CDK11B: variants seen among roughly 807,000 people sequenced by gnomAD.
CDK11B encodes cyclin dependent kinase 11B.
A neutral mutation model predicts 84.0 loss-of-function variants in CDK11B; 37 were observed. That is an observed-to-expected ratio of 0.44 (90% CI 0.34 to 0.58). The LOEUF (loss-of-function observed/expected upper bound fraction) is 0.58. Ranked by LOEUF, CDK11B falls within the 20% of genes least tolerant of loss-of-function variation. CDK11B has a pLI of 0.02. For synonymous variants in CDK11B, 269 were observed against 309.8 expected (o/e 0.87, Z 1.38); for missense variants, 427 against 834.0 (o/e 0.51, Z 6.01).
At position 1,649,549 on chromosome 1, in the gene CDK11B, C is replaced by A; in HGVS notation, c.444G>T (p.Trp148Cys). The change falls in exon 5 of 20, where the codon TGG becomes TGT. Residue 148 changes from tryptophan (W) to cysteine (C), a missense_variant. By Grantham distance (215) the Trp-to-Cys change is radical (BLOSUM62 -2). This residue lies in a region of CDK11B where 71 missense variants were observed against 66.2 expected (regional missense o/e 1.07). Transcript: ENST00000341832. The stretch of plus-strand genomic sequence containing the variant: ...CCATCTCCCTTCTCTTCTGTCTTTC[C>A]CATTCCCGGCGAGCTTTATCCTGTT... ...REEQDKARRE[W>C]ERQKRREMAR... 1 of 1,604,204 alleles carries A rather than the reference C, an allele frequency of 6.2e-7. No homozygotes were observed. The highest frequency in any genetic ancestry group is 1.7e-5 in the Admixed American group (1 of 60,010).
At chr1:1,637,737 C>T (rs914576113) in intron 13 of CDK11B, 25 bp downstream of exon 13, 2 of 1,613,582 alleles carry the variant, frequency 1.2e-6, no homozygotes, top group African/African-American at 1.3e-5. Context: ...CCACCCGGGG[C>T]CAGGCGTGGT....
At chr1:1,645,727 G>A (rs369162717) in intron 5 of CDK11B, 11 of 332,852 alleles carry the variant, frequency 3.3e-5, no homozygotes, top group African/African-American at 1.1e-4. Flanking sequence ...CCATTCGATC[G>A]GTGTTTGCTT....
chr1:1,656,984 T>G (rs1642838949), intron 2 of CDK11B, among the ~76,000 whole-genome samples: 1 of 152,250 alleles, frequency 6.6e-6, no homozygotes, highest in African/African-American at 2.4e-5. Context: ...GTTTCCTGAG[T>G]ACATTACCAT....
intron 1 of CDK11B, among the ~76,000 whole-genome samples, chr1:1,658,701 G>A (rs1302890407): frequency 6.7e-6 from 1 of 149,156 alleles, no homozygotes; most frequent in African/African-American, 2.5e-5. Flanking sequence ...GCACACTTGA[G>A]GTTCAGCCTG....
chr1:1,656,282 G>C (rs912845417), intron 2 of CDK11B, among the ~76,000 whole-genome samples: 4 of 152,122 alleles, frequency 2.6e-5, no homozygotes, highest in Middle Eastern at 3.4e-3. Flanking sequence ...CCTGAGGTCA[G>C]GAGTTCCAGA....
intron 2 of CDK11B, among the ~76,000 whole-genome samples, chr1:1,656,205 G>A (rs560783547): frequency 6.6e-6 from 1 of 152,262 alleles, no homozygotes; most frequent in East Asian, 1.9e-4. Context: ...GTTTGGTTTA[G>A]GTCAGGCATG....
chr1:1,639,178 T>C (rs1343967254), intron 11 of CDK11B, among the ~76,000 whole-genome samples: 2 of 151,582 alleles, frequency 1.3e-5, no homozygotes, highest in Non-Finnish European at 2.9e-5. Flanking sequence ...TGACCTCTGA[T>C]CCGCCCACCG....
intron 10 of CDK11B, among the ~76,000 whole-genome samples, 200 bp from the exon 11 acceptor site, chr1:1,640,652 G>A (rs1347290456): frequency 2.6e-5 from 4 of 152,086 alleles, no homozygotes; most frequent in African/African-American, 9.7e-5. Context: ...CCCGGATGCT[G>A]AGCTGGGAGG....
rs1331648978 is a variant in CDK11B, at chr1:1,638,600, A to C, written c.1252-10T>G. The C allele has an allele frequency of 1.9e-6, 2 of 1,038,584 alleles. No homozygotes were observed. Among genetic ancestry groups the C allele is most frequent in the Non-Finnish European group, 3.0e-6 (2 of 664,724 alleles). The allele number at this position is 1,038,584 out of a possible 1,614,324, so 64.3% of individuals were successfully genotyped here. On this transcript the variant is annotated splice_polypyrimidine_tract_variant and intron_variant, in intron 11 of 19. Transcript: ENST00000341832. ...CGACGCTCCGGCAGCCCTGGGAAGGAAGCGCCTGTGTGAGGTCTCAGTGGC... is the reference window on the plus strand; with the variant it reads ...CGACGCTCCGGCAGCCCTGGGAAGGCAGCGCCTGTGTGAGGTCTCAGTGGC...
intron 5 of CDK11B, among the ~76,000 whole-genome samples, chr1:1,648,781 C>T (rs944569082): frequency 1.3e-5 from 2 of 152,180 alleles, no homozygotes; most frequent in Non-Finnish European, 2.9e-5. Context: ...TCTCCCTTCT[C>T]CTTTTTTTGA....
In CDK11B at chr1:1,643,626, G is replaced by A. The variant is rs1327478617; in HGVS notation, c.632-1118C>T. On this transcript the variant is annotated intron_variant, in intron 6 of 19. Transcript: ENST00000341832. ...AGTCAAGAAAATGACGCGTGAACAC[G>A]ACGGAAATATCAACAGAGACAGAAG... Among the ~76,000 whole-genome samples the A allele has an allele frequency of 4.1e-5, 6 of 145,972 alleles. 1 individual carries two copies. Among genetic ancestry groups the A allele is most frequent in the African/African-American group, 8.3e-5 (3 of 36,214 alleles).
At chr1:1,652,595 A>C in intron 3 of CDK11B, 29 bp from the exon 4 acceptor site, 1 of 1,365,946 alleles carries the variant, frequency 7.3e-7, no homozygotes, top group South Asian at 2.3e-5. Flanking sequence ...GCACTGCATC[A>C]TGCTTGAGAA....
chr1:1,652,284 T>TA (rs1642120196), intron 4 of CDK11B, among the ~76,000 whole-genome samples, 155 bp downstream of exon 4: 1 of 152,098 alleles, frequency 6.6e-6, no homozygotes, highest in South Asian at 2.1e-4. Flanking sequence ...GTATTCTCTC[T>TA]ATAGCCATTC....
intron 3 of CDK11B, among the ~76,000 whole-genome samples, chr1:1,653,705 T>A (rs1464364182): frequency 6.6e-6 from 1 of 151,686 alleles, no homozygotes; most frequent in East Asian, 2.0e-4. Flanking sequence ...CAATTTTGGC[T>A]GGGTGCAGTG....
chr1:1,653,214 G>A (rs561871447), intron 3 of CDK11B, among the ~76,000 whole-genome samples: 13 of 151,098 alleles, frequency 8.6e-5, no homozygotes, highest in Admixed American at 6.0e-4. Flanking sequence ...TAGTAGAGAC[G>A]GGGTTTCACC....
chr1:1,650,152 C>T (rs1186688981), intron 4 of CDK11B, among the ~76,000 whole-genome samples: 1 of 149,552 alleles, frequency 6.7e-6, no homozygotes, highest in Non-Finnish European at 1.5e-5. Flanking sequence ...CACCTGTAGT[C>T]CCAGCTACTC....
chr1:1,645,875 G>C, intron 5 of CDK11B: 1 of 348,076 alleles, frequency 2.9e-6, no homozygotes, highest in Non-Finnish European at 5.6e-6. Flanking sequence ...GTCTTGGTTT[G>C]TCACCCAGGC....
Position 1,652,446 on chromosome 1 carries a change from T to G in CDK11B, c.348A>C (p.Ala116=), listed in dbSNP as rs1224621973. 4.7e-6 allele frequency: 7 copies of G among 1,504,780 alleles called. No homozygotes were observed. In the African/African-American group the frequency reaches 8.8e-5, roughly 19 times the overall value. The allele number at this position is 1,504,780 out of a possible 1,614,324, so 93.2% of individuals were successfully genotyped here. ...AAGTAAATGCTTCTGTACCCCCTTC[T>G]GCTGAATGGCTACGATGCCTACGTT... The part of the protein sequence containing the change: ...KEKRRHRSHS[A]EGGKHARVKE... The change falls in exon 4 of 20, where the codon GCA becomes GCC. Residue 116 remains alanine, a synonymous_variant. Transcript: ENST00000341832.
At chr1:1,652,724 ATCTTTTTTT>A (rs1642168321) in intron 3 of CDK11B, among the ~76,000 whole-genome samples, 158 bp from the exon 4 acceptor site, 1 of 152,116 alleles carries the variant, frequency 6.6e-6, no homozygotes, top group Non-Finnish European at 1.5e-5. Flanking sequence ...AACTTTAGGC[ATCTTTTTTT>A]TCTTTTTTTC....
Sources: gnomAD v4.1 joint callset for allele counts (sites outside exome capture counted in the v4.1 genomes callset) on GRCh38, gnomAD v4.1.1 for gene constraint, gnomAD v4.1.1 regional missense constraint, MANE v1.5 for transcripts, NCBI Gene and HGNC (gene_info 2026-07-23, HGNC 2026-07-21) for gene names.